IQCM: variants seen among roughly 807,000 people sequenced by gnomAD.
IQCM encodes IQ domain-containing protein M.
In IQCM, 45 loss-of-function variants were observed where a neutral mutation model predicts 57.6. The ratio of observed to expected loss-of-function variants is 0.78; its 90% confidence interval spans 0.62 to 1.00. The LOEUF is 1.00. Among genes scored for constraint, IQCM ranks in the 50% least tolerant of loss-of-function variants. IQCM has a pLI of 0.00. For synonymous variants in IQCM, 148 were observed against 158.9 expected, an observed-to-expected ratio of 0.93 and a Z score of 0.51; for missense variants, 468 against 511.6, an observed-to-expected ratio of 0.91 and a Z score of 0.82.
chr4:149,637,296 G>T (rs1195800133), intron 7 of IQCM, among the ~76,000 whole-genome samples: 1 of 151,218 alleles, frequency 6.6e-6, no homozygotes, highest in African/African-American at 2.4e-5. Context: ...ATAGTTTCAA[G>T]ACTTTGAGTA....
At chr4:149,430,617 G>C (rs1174798222) in intron 13 of IQCM, among the ~76,000 whole-genome samples, 1 of 151,726 alleles carries the variant, frequency 6.6e-6, no homozygotes, top group Non-Finnish European at 1.5e-5. Flanking sequence ...TTATTGTCTG[G>C]CCTCTTTCAC....
intron 13 of IQCM, among the ~76,000 whole-genome samples, chr4:149,397,799 C>A (rs997588072): frequency 6.6e-6 from 1 of 151,670 alleles, no homozygotes; most frequent in Non-Finnish European, 1.5e-5. Context: ...TGAGTTGTGG[C>A]AGTTCCTTAT....
intron 12 of IQCM, among the ~76,000 whole-genome samples, chr4:149,443,613 C>T (rs1045877465): frequency 6.1e-5 from 9 of 147,926 alleles, no homozygotes; most frequent in South Asian, 2.2e-4. Flanking sequence ...TAAAATAGAG[C>T]GCAATAAAAT....
chr4:149,603,411 T>C (rs1754489637), intron 8 of IQCM, among the ~76,000 whole-genome samples: 1 of 152,192 alleles, frequency 6.6e-6, no homozygotes, highest in Non-Finnish European at 1.5e-5. Flanking sequence ...ATCATTGATA[T>C]GGCATCAATT....
intron 2 of IQCM, among the ~76,000 whole-genome samples, chr4:149,746,736 T>G (rs1767971625): frequency 6.6e-6 from 1 of 152,180 alleles, no homozygotes; most frequent in East Asian, 1.9e-4. Flanking sequence ...TAAGACCCCA[T>G]CAGTTTCTAA....
In IQCM at chr4:149,446,768, G is replaced by A. The variant is rs566325131; in HGVS notation, c.1229-13211C>T. 8.6e-5 allele frequency among the ~76,000 whole-genome samples: 13 copies of A among 151,354 alleles called. No individual in the cohort carries two copies. In the Admixed American group the frequency reaches 8.6e-4, roughly 10 times the overall value. On this transcript the variant is annotated intron_variant, in intron 12 of 13. Coordinates refer to ENST00000636793, the MANE Select transcript of IQCM (RefSeq NM_001363507.2). The stretch of plus-strand genomic sequence containing the variant: ...AGAACATTTCATTAAAAATTTCAGG[G>A]CAAAATATACTGTTTTAAATTCCTT...
At chr4:149,536,190 T>A (rs1240478135) in intron 12 of IQCM, among the ~76,000 whole-genome samples, 1 of 152,104 alleles carries the variant, frequency 6.6e-6, no homozygotes, top group East Asian at 1.9e-4. Flanking sequence ...CTAATTTGCA[T>A]TGTATATTTG....
intron 8 of IQCM, among the ~76,000 whole-genome samples, chr4:149,594,350 C>T (rs1189777661): frequency 6.6e-6 from 1 of 151,984 alleles, no homozygotes; most frequent in East Asian, 1.9e-4. Context: ...TCTCTCTTTT[C>T]TTCTTTATTA....
rs144183717 is a variant in IQCM at position 149,612,981 on chromosome 4, T to C, written c.681+8148A>G. Among the ~76,000 whole-genome samples the C allele has an allele frequency of 7.9e-5, 12 of 152,164 alleles. No individual in the cohort carries two copies. In the East Asian group the frequency reaches 2.3e-3, roughly 29 times the overall value. On this transcript the variant is annotated intron_variant, in intron 8 of 13. Coordinates refer to ENST00000636793, the MANE Select transcript of IQCM (RefSeq NM_001363507.2). ...ACCTGAGTTAATTCCAACCCCACTA[T>C]AGAATTTCCCAAAAGTAATTTTATT...
intron 13 of IQCM, among the ~76,000 whole-genome samples, chr4:149,407,391 TG>T (rs1441036105): frequency 6.6e-6 from 1 of 152,138 alleles, no homozygotes; most frequent in Non-Finnish European, 1.5e-5. Flanking sequence ...TGAGTAGTGG[TG>T]AAAGCTGGGC....
At chr4:149,749,183 C>T (rs1768204977) in intron 2 of IQCM, among the ~76,000 whole-genome samples, 1 of 152,140 alleles carries the variant, frequency 6.6e-6, no homozygotes. Context: ...CCGTACCTAA[C>T]CATGACCCAT....
intron 12 of IQCM, among the ~76,000 whole-genome samples, chr4:149,523,158 G>A (rs1263777870): frequency 2.0e-5 from 3 of 152,086 alleles, no homozygotes; most frequent in Admixed American, 6.6e-5. Context: ...GAGGAAGCAA[G>A]CGCTCTCCTG....
chr4:149,370,695 A>G (rs1730309486), intron 13 of IQCM, among the ~76,000 whole-genome samples: 1 of 152,088 alleles, frequency 6.6e-6, no homozygotes, highest in African/African-American at 2.4e-5. Context: ...CTGACCACCA[A>G]GTTGTTTCTT....
chr4:149,609,658 T>C (rs906906313), intron 8 of IQCM, among the ~76,000 whole-genome samples: 3 of 151,824 alleles, frequency 2.0e-5, no homozygotes, highest in Non-Finnish European at 4.4e-5. Context: ...CAATAGATGC[T>C]GAGAAAGCAT....
At chr4:149,672,795 C>G (rs778653042) in intron 7 of IQCM, among the ~76,000 whole-genome samples, 8 of 151,954 alleles carry the variant, frequency 5.3e-5, no homozygotes, top group Non-Finnish European at 1.5e-5. Flanking sequence ...AGATACTCCT[C>G]GAGAAGAGCA....
chr4:149,378,705 G>A (rs1040103132), intron 13 of IQCM, among the ~76,000 whole-genome samples: 4 of 152,170 alleles, frequency 2.6e-5, no homozygotes, highest in African/African-American at 9.7e-5. Context: ...TGAAAAATTT[G>A]CAGCCTGACA....
chr4:149,538,989 T>G (rs1747581505), intron 12 of IQCM, among the ~76,000 whole-genome samples: 1 of 152,064 alleles, frequency 6.6e-6, no homozygotes, highest in East Asian at 1.9e-4. Flanking sequence ...AAGCTCTTGA[T>G]TGAAACAATA....
At position 149,433,468 on chromosome 4, in the gene IQCM, G is replaced by A; in HGVS notation, c.1318C>T (p.Pro440Ser). 8.2e-7 allele frequency: 1 copy of A among 1,219,158 alleles called. No homozygotes were observed. Among genetic ancestry groups the A allele is most frequent in the Non-Finnish European group, 1.0e-6 (1 of 976,616 alleles). The allele number at this position is 1,219,158 out of a possible 1,614,324, so 75.5% of individuals were successfully genotyped here. ...TLYPPEGAHV[P>S]DSTLLKSTWL... ...GTCGACTTGAGTAGTGTACTGTCAG[G>A]CACATGTGCACCTTCAGGAGGATAG... Residue 440 changes from proline (P) to serine (S), a missense_variant, in exon 13 of 14, where the codon CCT becomes TCT. Coordinates refer to ENST00000636793, the MANE Select transcript of IQCM (RefSeq NM_001363507.2).
At chr4:149,518,956 C>A (rs1320421141) in intron 12 of IQCM, among the ~76,000 whole-genome samples, 3 of 152,132 alleles carry the variant, frequency 2.0e-5, no homozygotes, top group Admixed American at 6.5e-5. Context: ...AGCTTCCTTG[C>A]CCACCAAATC....
Sources: allele counts gnomAD v4.1 joint callset (sites outside exome capture counted in the v4.1 genomes callset), GRCh38; gene constraint gnomAD v4.1.1; transcripts MANE v1.5; gene names NCBI Gene and HGNC (gene_info 2026-07-23, HGNC 2026-07-21).